NOTCH2: variants seen among roughly 807,000 people sequenced by gnomAD.
The protein encoded by NOTCH2 is neurogenic locus notch homolog protein 2.
NOTCH2 carries 29 observed loss-of-function variants against 235.8 expected under a neutral mutation model. That is an observed-to-expected ratio of 0.12 (90% CI 0.09 to 0.17). The LOEUF is 0.17. NOTCH2 is among the 10% of genes least tolerant of loss of function. The pLI is 1.00. For missense variants in NOTCH2, 2,285 were observed against 3,150.2 expected, an observed-to-expected ratio of 0.73 and a Z score of 6.57; for synonymous variants, 1,086 against 1,141.5, an observed-to-expected ratio of 0.95 and a Z score of 0.98.
chr1:120,065,705 C>A (rs1461370118), intron 1 of NOTCH2, among the ~76,000 whole-genome samples: 1 of 151,988 alleles, frequency 6.6e-6, no homozygotes, highest in Non-Finnish European at 1.5e-5. Flanking sequence ...AAATACTACA[C>A]ATACGGTAGG....
At chr1:119,963,831 A>G in intron 10 of NOTCH2, 24 bp from the exon 11 acceptor site, 2 of 1,593,748 alleles carry the variant, frequency 1.3e-6, no homozygotes, top group Middle Eastern at 1.7e-4. Flanking sequence ...TTTATCAAGG[A>G]TTCTCAAAGA....
intron 6 of NOTCH2, 148 bp downstream of exon 6, chr1:119,969,363 A>G (rs1553200101): frequency 2.8e-6 from 2 of 718,384 alleles, no homozygotes; most frequent in African/African-American, 1.7e-5. Flanking sequence ...CACTTTGGCT[A>G]GCAGGTTACA....
rs1298922065 is a variant in NOTCH2, at chr1:119,919,307, T to G, written c.5781+5A>C. 1 of 1,609,742 alleles carries G rather than the reference T, an allele frequency of 6.2e-7. No homozygotes were observed. Among genetic ancestry groups the G allele is most frequent in the Admixed American group, 1.7e-5 (1 of 60,028 alleles). On this transcript the variant is annotated splice_donor_5th_base_variant and intron_variant, in intron 31 of 33. Coordinates refer to ENST00000256646, the MANE Select transcript of NOTCH2 (RefSeq NM_024408.4). The stretch of plus-strand genomic sequence containing the variant: ...TATTCAAGTGACTCTTCTCATGTTC[T>G]TTACCTGGAAGACACCTTGGGCATC...
chr1:119,917,942 C>T (rs781198515), intron 32 of NOTCH2, among the ~76,000 whole-genome samples, 180 bp from the exon 33 acceptor site: 1 of 152,158 alleles, frequency 6.6e-6, no homozygotes, highest in African/African-American at 2.4e-5. Context: ...TACTTCAGTA[C>T]AGGCTGCCTA....
In NOTCH2 at chr1:119,966,324, T is replaced by C. The variant is rs1651133105; in HGVS notation, c.1567+52A>G. 4.2e-6 allele frequency: 5 copies of C among 1,178,936 alleles called. No individual in the cohort carries two copies. In the South Asian group the frequency reaches 4.9e-5, roughly 11 times the overall value. 73.0% of individuals were successfully genotyped at this position (1,178,936 alleles called of 1,614,324 possible). ...TCTCTCCCTGCTCTCTTCCCTGTGG[T>C]CAGTTGGCTTTGTGCTTTAAGAGAA... On this transcript the variant is annotated intron_variant, in intron 9 of 33. Transcript: ENST00000256646.
rs1164038 is a variant in NOTCH2 at position 120,048,378 on chromosome 1, G to A, written c.74-18391C>T. Among the ~76,000 whole-genome samples the A allele has an allele frequency of 8.5e-5, 11 of 128,754 alleles. 2 individuals carry two copies. In the South Asian group the frequency reaches 3.1e-3, roughly 36 times the overall value. 84.5% of individuals were successfully genotyped at this position (128,754 alleles called of 152,430 possible). ...CCCATTCGTGGTCATGATCTGCAGTGTAAAAAACAATGGACTAAAGCATGC... is the reference window on the plus strand; with the variant it reads ...CCCATTCGTGGTCATGATCTGCAGTATAAAAAACAATGGACTAAAGCATGC... On this transcript the variant is annotated intron_variant, in intron 1 of 33. Coordinates refer to ENST00000256646, the MANE Select transcript of NOTCH2 (RefSeq NM_024408.4).
chr1:119,923,545 G>T, intron 26 of NOTCH2, 92 bp downstream of exon 26: 2 of 1,118,250 alleles, frequency 1.8e-6, no homozygotes, highest in Non-Finnish European at 2.7e-6. Flanking sequence ...TCTGATCTTT[G>T]CATTTCTATA....
In NOTCH2 at chr1:119,940,817, A is replaced by T. The variant is rs896145217; in HGVS notation, c.2982-61T>A. ...TGGTGCCTGTGACTTACTACTACAA[A>T]GTAAGATTTCTGGAATCTAAGATCA... On this transcript the variant is annotated intron_variant, in intron 18 of 33. Transcript: ENST00000256646. 2.8e-5 allele frequency: 40 copies of T among 1,435,760 alleles called. No homozygotes were observed. The Admixed American group carries it at 5.6e-4, about 20-fold the overall frequency. 88.9% of individuals were successfully genotyped at this position (1,435,760 alleles called of 1,614,324 possible).
At chr1:120,048,112 T>C (rs1419583548) in intron 1 of NOTCH2, among the ~76,000 whole-genome samples, 2 of 149,666 alleles carry the variant, frequency 1.3e-5, no homozygotes, top group Admixed American at 6.6e-5. Flanking sequence ...TAATCTGTTT[T>C]TAAAAAGTGA....
chr1:119,980,226 G>C (rs1291524224), intron 5 of NOTCH2, among the ~76,000 whole-genome samples: 1 of 152,106 alleles, frequency 6.6e-6, no homozygotes, highest in Non-Finnish European at 1.5e-5. Flanking sequence ...TCTCAAACTT[G>C]GTACTTCCAC....
Position 120,069,398 on chromosome 1 carries a change from G to A in NOTCH2, c.9C>T (p.Ala3=). ...GCGCCCACAGCAGAGCGGGGCGCAG[G>A]GCGGGCATCTTCTCGGTCGCCTCCT... MP[A]LRPALLWALL... is the part of the protein sequence containing the mutation. The change falls in exon 1 of 34, where the codon GCC becomes GCT. Residue 3 remains alanine, a synonymous_variant. Transcript: ENST00000256646. 1.9e-6 allele frequency: 3 copies of A among 1,548,192 alleles called. No homozygotes were observed. Among genetic ancestry groups the A allele is most frequent in the Non-Finnish European group, 2.6e-6 (3 of 1,155,172 alleles).
chr1:120,011,678 A>C (rs1653196712), intron 2 of NOTCH2, among the ~76,000 whole-genome samples: 1 of 152,014 alleles, frequency 6.6e-6, no homozygotes, highest in Non-Finnish European at 1.5e-5. Context: ...CTATATTATA[A>C]TCTCCATTTT....
At chr1:119,925,206 A>G in intron 25 of NOTCH2, 99 bp downstream of exon 25, 1 of 1,472,344 alleles carries the variant, frequency 6.8e-7, no homozygotes, top group Non-Finnish European at 9.5e-7. Context: ...AAGCAGAGGC[A>G]GCTTAGGCTG....
intron 8 of NOTCH2, 112 bp from the exon 9 acceptor site, chr1:119,966,601 G>A (rs1553199705): frequency 1.3e-6 from 1 of 784,766 alleles, no homozygotes; most frequent in Admixed American, 1.8e-5. Flanking sequence ...ACACATTTCT[G>A]CAGAGAAAAA....
rs1649097711 is a variant in NOTCH2, at chr1:119,916,843, T to C, written c.6028-149A>G. The C allele has an allele frequency of 7.4e-6, 6 of 807,170 alleles. No homozygotes were observed. The Admixed American group carries it at 1.2e-4, about 16-fold the overall frequency. The allele number at this position is 807,170 out of a possible 1,614,324, so 50.0% of individuals were successfully genotyped here. On this transcript the variant is annotated intron_variant, in intron 33 of 33. Coordinates refer to ENST00000256646, the MANE Select transcript of NOTCH2 (RefSeq NM_024408.4). Reference sequence around the variant, plus strand: ...ATTAACACCACAGATAGGCTGTGCCTCTACCAATGTACTGAATGTGTATCT... The same window carrying C: ...ATTAACACCACAGATAGGCTGTGCCCCTACCAATGTACTGAATGTGTATCT...
intron 1 of NOTCH2, among the ~76,000 whole-genome samples, chr1:120,039,451 C>G (rs1654456579): frequency 6.7e-6 from 1 of 150,086 alleles, no homozygotes; most frequent in African/African-American, 2.5e-5. Flanking sequence ...CTCTGTCGCC[C>G]AGGCTGGAGT....
chr1:119,931,391 A>G (rs1649655549), intron 22 of NOTCH2, among the ~76,000 whole-genome samples: 1 of 152,182 alleles, frequency 6.6e-6, no homozygotes, highest in African/African-American at 2.4e-5. Flanking sequence ...ACTCCTCATC[A>G]TAAAGTTATC....
intron 1 of NOTCH2, among the ~76,000 whole-genome samples, chr1:120,041,072 ATAT>A (rs1446098495): frequency 7.8e-5 from 7 of 90,302 alleles, no homozygotes; most frequent in African/African-American, 6.4e-4. Context: ...AAAAAAAAAA[ATAT>A]ATATATATAT....
Position 119,963,827 on chromosome 1 carries a change from A to C in NOTCH2, c.1682-20T>G. ...TGAAACCTTTGGAAAGAATTTTATC[A>C]AGGATTCTCAAAGACCAAGGCAGAT... On this transcript the variant is annotated intron_variant, in intron 10 of 33. Transcript: ENST00000256646. 6.2e-7 allele frequency: 1 copy of C among 1,603,652 alleles called. No individual in the cohort carries two copies. Among genetic ancestry groups the C allele is most frequent in the Non-Finnish European group, 8.5e-7 (1 of 1,170,556 alleles).
Sources: gnomAD v4.1 joint callset for allele counts (sites outside exome capture counted in the v4.1 genomes callset) on GRCh38, gnomAD v4.1.1 for gene constraint, MANE v1.5 for transcripts, NCBI Gene and HGNC (gene_info 2026-07-23, HGNC 2026-07-21) for gene names.